Variants in TNIP3 observed in about 807,000 individuals in gnomAD.
TNIP3 encodes TNFAIP3-interacting protein 3.
TNIP3 carries 34 observed loss-of-function variants against 54.1 expected under a neutral mutation model. The observed-to-expected ratio is 0.63, with a 90% CI of 0.48 to 0.84. The LOEUF is 0.84. TNIP3 is among the 40% of genes least tolerant of loss of function. The probability of loss-of-function intolerance (pLI) is 0.00; values close to 1 mark genes in which losing one functional copy is unlikely to be tolerated. For synonymous variants in TNIP3, 134 were observed against 136.8 expected, an observed-to-expected ratio of 0.98 and a Z score of 0.14; for missense variants, 366 against 387.6, an observed-to-expected ratio of 0.94 and a Z score of 0.47.
intron 8 of TNIP3, 135 bp downstream of exon 8, chr4:121,142,591 G>T: frequency 1.3e-6 from 1 of 757,826 alleles, no homozygotes; most frequent in Non-Finnish European, 2.2e-6. Flanking sequence ...TCTATCCGTT[G>T]ATGGTGTAGT....
intron 6 of TNIP3, among the ~76,000 whole-genome samples, chr4:121,148,840 T>G (rs1309456200): frequency 2.6e-5 from 4 of 152,226 alleles, no homozygotes; most frequent in Non-Finnish European, 5.9e-5. Flanking sequence ...TACTTAGTAC[T>G]TGCTCAGGGC....
At chr4:121,227,346 C>T (rs960950919) in intron 1 of TNIP3, 18 of 1,528,918 alleles carry the variant, frequency 1.2e-5, no homozygotes, top group Admixed American at 2.0e-5. Flanking sequence ...GGTAAGTAAG[C>T]GAAATGAAAG....
intron 1 of TNIP3, among the ~76,000 whole-genome samples, chr4:121,224,831 G>T (rs1414162404): frequency 6.6e-6 from 1 of 151,514 alleles, no homozygotes; most frequent in Non-Finnish European, 1.5e-5. Flanking sequence ...GAAGATTTTT[G>T]AACACCTTTC....
At chr4:121,189,751 C>G (rs756979617) in intron 2 of TNIP3, among the ~76,000 whole-genome samples, 1 of 152,142 alleles carries the variant, frequency 6.6e-6, no homozygotes, top group South Asian at 2.1e-4. Context: ...AAATAGATAT[C>G]GAAGAATTGT....
chr4:121,146,672 C>T (rs1212382012), intron 7 of TNIP3, among the ~76,000 whole-genome samples: 1 of 152,104 alleles, frequency 6.6e-6, no homozygotes, highest in African/African-American at 2.4e-5. Context: ...TTTTGGCAGA[C>T]AGGAGCATTC....
At chr4:121,192,180 T>C (rs527946574) in intron 2 of TNIP3, among the ~76,000 whole-genome samples, 1 of 152,290 alleles carries the variant, frequency 6.6e-6, no homozygotes, top group African/African-American at 2.4e-5. Context: ...AAAAAAGAGA[T>C]GCCGAGCCAA....
At chr4:121,216,576 A>C (rs749904043) in intron 1 of TNIP3, 2 of 1,515,690 alleles carry the variant, frequency 1.3e-6, no homozygotes, top group Non-Finnish European at 1.8e-6. Flanking sequence ...TCACCAAAGG[A>C]GAAAACCACC....
At chr4:121,147,384 T>C (rs915243982) in intron 6 of TNIP3, among the ~76,000 whole-genome samples, 8 of 152,174 alleles carry the variant, frequency 5.3e-5, no homozygotes, top group Admixed American at 6.5e-5. Flanking sequence ...GACAGTTTAC[T>C]GACAATAGAT....
At position 121,142,729 on chromosome 4, in the gene TNIP3, T is replaced by C. The variant is rs751275237; in HGVS notation, c.783A>G (p.Lys261=). The change falls in exon 8 of 11, where the codon AAA becomes AAG. Residue 261 remains lysine (K), a synonymous_variant. Coordinates refer to ENST00000057513, the MANE Select transcript of TNIP3 (RefSeq NM_024873.6). ...CGTGAAAATTAGATCAACATACCTG[T>C]TTTAATTGCTTTTCTAGTTTTTCTT... ...MEKEKLEKQL[K]QMYCPPCNCG... is the part of the protein sequence containing the mutation. 2.5e-6 allele frequency: 4 copies of C among 1,611,314 alleles called. No individual in the cohort carries two copies. Among genetic ancestry groups the C allele is most frequent in the Non-Finnish European group, 3.4e-6 (4 of 1,177,726 alleles).
intron 5 of TNIP3, among the ~76,000 whole-genome samples, chr4:121,152,084 G>A (rs1729795268): frequency 6.6e-6 from 1 of 152,118 alleles, no homozygotes; most frequent in Non-Finnish European, 1.5e-5. Context: ...ACATAATTGT[G>A]TGAACTTCTA....
intron 2 of TNIP3, among the ~76,000 whole-genome samples, chr4:121,193,287 G>A (rs1321199286): frequency 6.6e-6 from 1 of 152,126 alleles, no homozygotes; most frequent in Non-Finnish European, 1.5e-5. Context: ...TCATATGGAT[G>A]TGAAATTGAT....
upstream of TNIP3, among the ~76,000 whole-genome samples, chr4:121,219,712 C>T (rs998968294): frequency 5.9e-5 from 9 of 152,072 alleles, no homozygotes; most frequent in Admixed American, 2.6e-4. Flanking sequence ...AAATTACCAA[C>T]GAATTCTTAT....
At chr4:121,197,481 G>A (rs1214566784) in intron 2 of TNIP3, among the ~76,000 whole-genome samples, 3 of 147,424 alleles carry the variant, frequency 2.0e-5, no homozygotes, top group South Asian at 2.1e-4. Flanking sequence ...GCAGTAAGCC[G>A]AGATCAGGCC....
intron 10 of TNIP3, among the ~76,000 whole-genome samples, chr4:121,133,545 T>C (rs1728604534): frequency 6.6e-6 from 1 of 152,234 alleles, no homozygotes; most frequent in Non-Finnish European, 1.5e-5. Context: ...TCTCCCTAGG[T>C]ATCTTAAATA....
chr4:121,220,678 T>C (rs1579514073), upstream of TNIP3, among the ~76,000 whole-genome samples: 1 of 152,248 alleles, frequency 6.6e-6, no homozygotes. Flanking sequence ...AAAATTGTCA[T>C]AAATAGCGTG....
At chr4:121,160,692 GC>G (rs1730397383) in intron 2 of TNIP3, among the ~76,000 whole-genome samples, 1 of 152,134 alleles carries the variant, frequency 6.6e-6, no homozygotes, top group African/African-American at 2.4e-5. Flanking sequence ...GTGTTTGGAT[GC>G]CCAGTTCATG....
At chr4:121,165,846 T>C (rs1730736912), upstream of TNIP3, among the ~76,000 whole-genome samples, 1 of 152,198 alleles carries the variant, frequency 6.6e-6, no homozygotes, top group South Asian at 2.1e-4. Context: ...AAGATCTGAC[T>C]TTAGGGTACA....
Position 121,224,990 on chromosome 4 carries a change from A to G in TNIP3, c.3+2395T>C, listed in dbSNP as rs576133290. 3.9e-5 allele frequency among the ~76,000 whole-genome samples: 6 copies of G among 152,320 alleles called. No homozygotes were observed. The South Asian group carries it at 8.3e-4, about 21-fold the overall frequency. On this transcript the variant is annotated intron_variant, in intron 1 of 12. Transcript: ENST00000509841. ...GTAATCTATATATCTATATTTATTC[A>G]CATCAAAAGGAAACATTTCACCATA...
intron 2 of TNIP3, among the ~76,000 whole-genome samples, chr4:121,194,903 C>T (rs1725492067): frequency 6.6e-6 from 1 of 152,130 alleles, no homozygotes; most frequent in Non-Finnish European, 1.5e-5. Context: ...TAGAGTGGCT[C>T]ACGCCTGTAA....
Sources: allele counts gnomAD v4.1 joint callset (sites outside exome capture counted in the v4.1 genomes callset), GRCh38; gene constraint gnomAD v4.1.1; transcripts MANE v1.5; gene names NCBI Gene and HGNC (gene_info 2026-07-23, HGNC 2026-07-21).